The following MECOM variants were observed in gnomAD, a reference collection of about 807,000 sequenced individuals.
The protein encoded by MECOM is MDS1 and EVI1 complex locus.
In MECOM, 13 loss-of-function variants were observed where a neutral mutation model predicts 116.3. That is an observed-to-expected ratio of 0.11 (90% CI 0.07 to 0.18). MECOM has a LOEUF of 0.18. Ranked by LOEUF, MECOM falls within the 10% of genes least tolerant of loss-of-function variation. The pLI, the probability that MECOM is intolerant of heterozygous loss-of-function variation, is 1.00. For synonymous variants in MECOM, 528 were observed against 535.2 expected (o/e 0.99, Z 0.19); for missense variants, 1,299 against 1,509.0 (o/e 0.86, Z 2.31).
intron 2 of MECOM, among the ~76,000 whole-genome samples, chr3:169,195,210 A>T (rs1052564065): frequency 2.0e-5 from 3 of 152,088 alleles, no homozygotes; most frequent in African/African-American, 7.2e-5. Flanking sequence ...ATGTTCCATT[A>T]TAATTAAACA....
chr3:169,280,741 G>C (rs900075214), intron 2 of MECOM, among the ~76,000 whole-genome samples: 5 of 152,152 alleles, frequency 3.3e-5, no homozygotes, highest in Admixed American at 2.6e-4. Context: ...GGCCTTTAAA[G>C]GTGGGAACAG....
chr3:169,432,794 A>G (rs993291669), intron 1 of MECOM, among the ~76,000 whole-genome samples: 2 of 152,228 alleles, frequency 1.3e-5, no homozygotes, highest in African/African-American at 4.8e-5. Flanking sequence ...ACACCTTCTT[A>G]TAAGCACAGT....
chr3:169,305,317 G>T (rs1399981723), intron 2 of MECOM, among the ~76,000 whole-genome samples: 1 of 152,104 alleles, frequency 6.6e-6, no homozygotes, highest in African/African-American at 2.4e-5. Flanking sequence ...AGGTGGAAAA[G>T]GTAGGTGTAA....
intron 1 of MECOM, among the ~76,000 whole-genome samples, chr3:169,632,190 A>T (rs912540797): frequency 7.1e-6 from 1 of 140,066 alleles, no homozygotes; most frequent in African/African-American, 2.6e-5. Context: ...TCTGGAGAGA[A>T]ATATATATAT....
intron 2 of MECOM, among the ~76,000 whole-genome samples, chr3:169,287,252 A>G (rs951537559): frequency 6.6e-6 from 1 of 152,224 alleles, no homozygotes; most frequent in East Asian, 1.9e-4. Flanking sequence ...AGAAAGGCAG[A>G]GGACTGCCAG....
At chr3:169,255,777 G>T (rs71306631) in intron 2 of MECOM, among the ~76,000 whole-genome samples, 14 of 152,056 alleles carry the variant, frequency 9.2e-5, no homozygotes, top group Non-Finnish European at 1.9e-4. Flanking sequence ...AGCTGGAAAG[G>T]CCACTTCAAC....
At chr3:169,605,501 C>G (rs902925731) in intron 1 of MECOM, among the ~76,000 whole-genome samples, 7 of 152,210 alleles carry the variant, frequency 4.6e-5, no homozygotes, top group African/African-American at 1.7e-4. Context: ...AACAGTAACC[C>G]TGTTAGCCCT....
At chr3:169,086,878 C>A (rs753267778) in intron 16 of MECOM, among the ~76,000 whole-genome samples, 11 of 152,108 alleles carry the variant, frequency 7.2e-5, no homozygotes, top group South Asian at 6.2e-4. Flanking sequence ...TAGAAAATGG[C>A]AAAACAGCAT....
chr3:169,294,115 T>G (rs1715125282), intron 2 of MECOM, among the ~76,000 whole-genome samples: 1 of 152,234 alleles, frequency 6.6e-6, no homozygotes, highest in Non-Finnish European at 1.5e-5. Flanking sequence ...GGTTTATCAT[T>G]AACTATTTAT....
intron 1 of MECOM, among the ~76,000 whole-genome samples, chr3:169,588,681 G>A (rs867093000): frequency 5.3e-5 from 8 of 151,934 alleles, no homozygotes; most frequent in African/African-American, 1.7e-4. Flanking sequence ...TTCTTTTCCC[G>A]TGTTTTAATG....
At chr3:169,315,076 A>G (rs778433344) in intron 2 of MECOM, among the ~76,000 whole-genome samples, 1 of 152,182 alleles carries the variant, frequency 6.6e-6, no homozygotes, top group Non-Finnish European at 1.5e-5. Flanking sequence ...TCCAAGACAC[A>G]GAGTGAGTGA....
intron 1 of MECOM, among the ~76,000 whole-genome samples, chr3:169,474,378 G>T (rs893740569): frequency 6.6e-6 from 1 of 151,978 alleles, no homozygotes; most frequent in Non-Finnish European, 1.5e-5. Context: ...TCAATATACG[G>T]TTTATTAATA....
At chr3:169,653,994 A>G (rs967154132) in intron 1 of MECOM, among the ~76,000 whole-genome samples, 2 of 152,232 alleles carry the variant, frequency 1.3e-5, no homozygotes, top group African/African-American at 4.8e-5. Flanking sequence ...ATAAAGATTG[A>G]GAATGAGGTG....
At chr3:169,178,285 T>C (rs1251499670) in intron 2 of MECOM, among the ~76,000 whole-genome samples, 1 of 152,202 alleles carries the variant, frequency 6.6e-6, no homozygotes, top group Non-Finnish European at 1.5e-5. Context: ...GAGGGCCGCA[T>C]GAGTGATTAT....
chr3:169,359,526 C>T (rs529542775), intron 2 of MECOM, among the ~76,000 whole-genome samples: 142 of 151,798 alleles, frequency 9.4e-4, no homozygotes, highest in African/African-American at 3.1e-3. Flanking sequence ...CTTATTGGAG[C>T]TCTATAATTT....
At chr3:169,472,566 AGG>A in intron 1 of MECOM, among the ~76,000 whole-genome samples, 2 of 68,604 alleles carry the variant, frequency 2.9e-5, no homozygotes, top group Admixed American at 1.6e-4. Flanking sequence ...AAGAGAGGAG[AGG>A]AGAGGAGAGG....
intron 1 of MECOM, among the ~76,000 whole-genome samples, chr3:169,608,753 C>A (rs992835177): frequency 2.6e-5 from 4 of 152,176 alleles, no homozygotes; most frequent in African/African-American, 9.7e-5. Context: ...GCAAGCTTTT[C>A]TTACTCATAT....
At chr3:169,466,966 A>G (rs982250534) in intron 1 of MECOM, 5 of 152,208 alleles carry the variant, frequency 3.3e-5, no homozygotes, top group African/African-American at 1.2e-4. Context: ...TTCTCAACAA[A>G]TGTTGTTGAA....
intron 2 of MECOM, among the ~76,000 whole-genome samples, chr3:169,228,970 T>C (rs749903260): frequency 2.0e-5 from 3 of 152,204 alleles, no homozygotes; most frequent in Admixed American, 6.5e-5. Flanking sequence ...GTGAAGATGT[T>C]ATTCAAAGCT....
Sources: allele counts gnomAD v4.1 joint callset (sites outside exome capture counted in the v4.1 genomes callset), GRCh38; gene constraint gnomAD v4.1.1; transcripts MANE v1.5; gene names NCBI Gene and HGNC (gene_info 2026-07-23, HGNC 2026-07-21).